IL12RB1: variants seen among roughly 807,000 people sequenced by gnomAD.
The protein encoded by IL12RB1 is interleukin 12 receptor subunit beta 1, also known as interleukin-12 receptor subunit beta-1.
A neutral mutation model predicts 94.4 loss-of-function variants in IL12RB1; 64 were observed. That is an observed-to-expected ratio of 0.68 (90% CI 0.55 to 0.83). IL12RB1 has a LOEUF of 0.83. Ranked by LOEUF, IL12RB1 falls within the 40% of genes least tolerant of loss-of-function variation. The probability of loss-of-function intolerance (pLI) is 0.00; values close to 1 mark genes in which losing one functional copy is unlikely to be tolerated. For missense variants in IL12RB1, 814 were observed against 855.6 expected (o/e 0.95, Z 0.61); for synonymous variants, 362 against 355.5 (o/e 1.02, Z -0.21).
At position 18,082,249 on chromosome 19, in the gene IL12RB1, G is replaced by C. The variant is rs756640017; in HGVS notation, c.140C>G (p.Pro47Arg). 6.2e-7 allele frequency: 1 copy of C among 1,611,622 alleles called. No individual in the cohort carries two copies. The highest frequency in any genetic ancestry group is 8.5e-7 in the Non-Finnish European group (1 of 1,178,264). Residue 47 changes from proline (P) to arginine (R), a missense_variant, in exon 3 of 17, where the codon CCT becomes CGT. By Grantham distance (103) the Pro-to-Arg change is moderately radical. Transcript: ENST00000593993. ...TATCCGATAGCATCTCAGGTCCCTA[G>C]GGCCCGAGGCCGAGCCTGGAAGAGA... ...PDADSGSASG[P>R]RDLRCYRISS...
intron 1 of IL12RB1, among the ~76,000 whole-genome samples, chr19:18,083,743 CCCAT>C (rs146292111): frequency 0.02 from 3,018 of 148,036 alleles, 62 homozygotes; most frequent in African/African-American, 0.061. Flanking sequence ...CATCCATTCA[CCCAT>C]CCATCCATCC....
At chr19:18,069,192 GC>G (rs1181557190) in intron 10 of IL12RB1, among the ~76,000 whole-genome samples, 1 of 152,162 alleles carries the variant, frequency 6.6e-6, no homozygotes, top group Admixed American at 6.6e-5. Context: ...GAGCCTCACG[GC>G]CCCCCTTTCC....
At chr19:18,059,869 C>A (rs376525105) in intron 16 of IL12RB1, 25 bp downstream of exon 16, 44 of 1,426,612 alleles carry the variant, frequency 3.1e-5, no homozygotes, top group Non-Finnish European at 4.0e-5. Context: ...CACCCCTGAC[C>A]GTCTGGCCCA....
chr19:18,068,554 T>C (rs2034769093), intron 10 of IL12RB1, 28 bp from the exon 11 acceptor site: 1 of 1,604,126 alleles, frequency 6.2e-7, no homozygotes, highest in Non-Finnish European at 8.5e-7. Flanking sequence ...GGCCAGGCCA[T>C]TCAGTAGATT....
chr19:18,067,991 A>C (rs189392521), intron 11 of IL12RB1, among the ~76,000 whole-genome samples: 2 of 134,440 alleles, frequency 1.5e-5, no homozygotes, highest in Admixed American at 7.6e-5. Context: ...GGGGTGAGCC[A>C]TTCTGTCTGC....
chr19:18,087,076 A>G, upstream of IL12RB1: 1 of 698,172 alleles, frequency 1.4e-6, no homozygotes, highest in Non-Finnish European at 2.3e-6. Context: ...CTGACTTTGG[A>G]GCAAGTCAGG....
chr19:18,060,081 C>A lies in IL12RB1; in HGVS notation c.1796G>T (p.Trp599Leu). The change falls in exon 16 of 17, where the codon TGG becomes TTG. Residue 599 changes from tryptophan to leucine, a missense_variant. By Grantham distance (61) the Trp-to-Leu change is moderately conservative. Coordinates refer to ENST00000593993, the MANE Select transcript of IL12RB1 (RefSeq NM_005535.3). Reference protein sequence around the residue: ...AIEFPGGKETWQWINPVDFQE... With the variant: ...AIEFPGGKETLQWINPVDFQE... Reference sequence around the variant, plus strand: ...GAAGTCCACTGGGTTGATCCACTGCCAAGTCTGCAGAGGGAGGGTAGGGCC... The same window carrying A: ...GAAGTCCACTGGGTTGATCCACTGCAAAGTCTGCAGAGGGAGGGTAGGGCC... 1 of 1,583,454 alleles carries A rather than the reference C, an allele frequency of 6.3e-7. No homozygotes were observed. The highest frequency in any genetic ancestry group is 8.7e-7 in the Non-Finnish European group (1 of 1,154,154).
upstream of IL12RB1, among the ~76,000 whole-genome samples, chr19:18,087,873 C>G (rs2036444044): frequency 6.6e-6 from 1 of 152,114 alleles, no homozygotes; most frequent in Non-Finnish European, 1.5e-5. Context: ...GGGCAGTGTT[C>G]TTGGATGGCC....
chr19:18,063,892 G>C lies in IL12RB1; in HGVS notation c.1602C>G (p.Pro534=). 1 of 1,613,426 alleles carries C rather than the reference G, an allele frequency of 6.2e-7. No homozygotes were observed. The highest frequency in any genetic ancestry group is 1.1e-5 in the South Asian group (1 of 90,988). The part of the protein sequence containing the change: ...TAWLRGVWSQ[P]QRFSIEVQVS... ...TCCACTCACCGATGCTGAAGCGCTGGGGCTGGCTCCAGACACCCCTCAGCC... is the reference window on the plus strand; with the variant it reads ...TCCACTCACCGATGCTGAAGCGCTGCGGCTGGCTCCAGACACCCCTCAGCC... The change falls in exon 13 of 17, where the codon CCC becomes CCG. Residue 534 remains proline, a synonymous_variant. Coordinates refer to ENST00000593993, the MANE Select transcript of IL12RB1 (RefSeq NM_005535.3).
In IL12RB1 at chr19:18,068,750, C is replaced by CTT. The variant is rs34731245; in HGVS notation, c.1190-226_1190-225dup. On this transcript the variant is annotated intron_variant, in intron 10 of 16. Transcript: ENST00000593993. ...CCCTTACTCCATGGAACCAGGGCTTCTTTTTTTTTTTTTTTTGAGATGGAG... is the reference window on the plus strand; with the variant it reads ...CCCTTACTCCATGGAACCAGGGCTTCTTTTTTTTTTTTTTTTTTGAGATGGAG... Among the ~76,000 whole-genome samples, 12 of 126,620 alleles carry CTT rather than the reference C, an allele frequency of 9.5e-5. No homozygotes were observed. The South Asian group carries it at 1.1e-3, about 11-fold the overall frequency. 83.1% of individuals were successfully genotyped at this position (126,620 alleles called of 152,430 possible). A position where few individuals can be genotyped will look rare whatever the true frequency, so the allele number is the denominator to read the frequency against.
At chr19:18,088,325 G>T (rs2036472042), upstream of IL12RB1, among the ~76,000 whole-genome samples, 1 of 151,364 alleles carries the variant, frequency 6.6e-6, no homozygotes. Flanking sequence ...GGTGGAGGTT[G>T]CAGTGAGCCG....
At chr19:18,074,225 T>C (rs1363837332) in intron 7 of IL12RB1, among the ~76,000 whole-genome samples, 4 of 151,974 alleles carry the variant, frequency 2.6e-5, no homozygotes. Flanking sequence ...ATTCCCAGGC[T>C]TGTCTCAAAC....
chr19:18,059,370 G>C lies in IL12RB1; in HGVS notation c.*238C>G. On this transcript the variant is annotated 3_prime_UTR_variant, in exon 17 of 17. Transcript: ENST00000593993. ...TCCCAGTCCATTCTACGCCAGAACA[G>C]GTAAATGGCAGGGTCTGCTCCTGCC... The C allele has an allele frequency of 5.0e-6, 3 of 603,504 alleles. No individual in the cohort carries two copies. The highest frequency in any genetic ancestry group is 3.9e-5 in the South Asian group (2 of 51,684). 37.4% of individuals were successfully genotyped at this position (603,504 alleles called of 1,614,324 possible).
At chr19:18,076,354 GT>G in intron 5 of IL12RB1, 27 bp from the exon 6 acceptor site, 1 of 1,253,762 alleles carries the variant, frequency 8.0e-7, no homozygotes, top group Non-Finnish European at 1.2e-6. Flanking sequence ...TTCATATATT[GT>G]TTTGCATTTT....
chr19:18,084,077 A>G (rs2036131374), intron 1 of IL12RB1, among the ~76,000 whole-genome samples: 2 of 149,570 alleles, frequency 1.3e-5, no homozygotes, highest in Admixed American at 1.3e-4. Context: ...CCATCCATCC[A>G]TGTATTTATC....
intron 2 of IL12RB1, chr19:18,083,114 A>C: frequency 2.0e-6 from 1 of 505,470 alleles, no homozygotes; most frequent in African/African-American, 2.0e-5. Flanking sequence ...ATGTTCTAAT[A>C]ATTTATCAGG....
intron 5 of IL12RB1, 95 bp downstream of exon 5, chr19:18,077,421 G>T: frequency 1.1e-6 from 1 of 948,036 alleles, no homozygotes; most frequent in South Asian, 1.4e-5. Context: ...GGCTGGTTGG[G>T]AGCGGGGACA....
At position 18,063,903 on chromosome 19, in the gene IL12RB1, A is replaced by C. The variant is rs2034360856; in HGVS notation, c.1591T>G (p.Trp531Gly). Residue 531 changes from tryptophan (W) to glycine (G), a missense_variant, in exon 13 of 17, where the codon TGG (tryptophan) becomes GGG (glycine). Physicochemically the swap from Trp to Gly is radical, Grantham distance 184. Transcript: ENST00000593993. ...RADTAWLRGV[W>G]SQPQRFSIEV... ...ATGCTGAAGCGCTGGGGCTGGCTCC[A>C]GACACCCCTCAGCCACGCTGTGTCT... The C allele has an allele frequency of 6.2e-7, 1 of 1,613,428 alleles. No individual in the cohort carries two copies. The highest frequency in any genetic ancestry group is 1.7e-5 in the Admixed American group (1 of 59,934).
chr19:18,083,315 C>T, intron 2 of IL12RB1, 117 bp downstream of exon 2: 1 of 999,588 alleles, frequency 1.0e-6, no homozygotes. Context: ...ACTCCCAAGA[C>T]CACAGGCAGG....
Sources: gnomAD v4.1 joint callset for allele counts (sites outside exome capture counted in the v4.1 genomes callset) on GRCh38, gnomAD v4.1.1 for gene constraint, MANE v1.5 for transcripts, NCBI Gene and HGNC (gene_info 2026-07-23, HGNC 2026-07-21) for gene names.